The following ARPP21 variants were observed in gnomAD, a reference collection of about 807,000 sequenced individuals.
ARPP21 encodes cAMP-regulated phosphoprotein 21.
Under a neutral mutation model 113.2 loss-of-function variants are expected in ARPP21, and 69 were observed. The ratio of observed to expected loss-of-function variants is 0.61; its 90% CI spans 0.50 to 0.74. The LOEUF is 0.74. Among genes scored for constraint, ARPP21 ranks in the 30% least tolerant of loss-of-function variants. The probability of loss-of-function intolerance (pLI) is 0.00; values close to 1 mark genes in which losing one functional copy is unlikely to be tolerated. For synonymous variants in ARPP21, 368 were observed against 375.5 expected (o/e 0.98, Z 0.23); for missense variants, 1,070 against 1,037.4 (o/e 1.03, Z -0.43).
At chr3:35,648,605 T>A (rs1048283776) in intron 1 of ARPP21, among the ~76,000 whole-genome samples, 2 of 152,174 alleles carry the variant, frequency 1.3e-5, no homozygotes, top group Non-Finnish European at 2.9e-5. Flanking sequence ...AGTATCTGCA[T>A]TACTTTTGCT....
rs114464041 is a variant in ARPP21, at chr3:35,661,774, G to A, written c.-212-18013G>A. Among the ~76,000 whole-genome samples, 676 of 152,202 alleles carry A rather than the reference G, an allele frequency of 4.4e-3. 2 individuals carry two copies. Among genetic ancestry groups the A allele is most frequent in the African/African-American group, 0.015 (642 of 41,532 alleles). On this transcript the variant is annotated intron_variant, in intron 1 of 20. Transcript: ENST00000684406. ...GCCTTTGTATTTATTGTGTTACCTT[G>A]GGCAAGTTCCTTGACCTTACTGAAT...
Position 35,721,734 on chromosome 3 carries a change from GC to G in ARPP21, c.1128del (p.Ala377ProfsTer2). ...CCGACAGTTCCAACCGCAATCTAAA[GC>G]CCGCCATGACCAAGACGGCGAGTTT... is the stretch of plus-strand genomic sequence containing the variant. The part of the protein sequence containing the change: ...DSDSSNRNLK[P>X]AMTKTASFGG... On this transcript the variant is annotated frameshift_variant, in exon 14 of 21. Coordinates refer to ENST00000684406, the MANE Select transcript of ARPP21 (RefSeq NM_001385562.1). LOFTEE classifies it high-confidence loss of function. 6.2e-7 allele frequency: 1 copy of G among 1,613,874 alleles called. No homozygotes were observed. Among genetic ancestry groups the G allele is most frequent in the Non-Finnish European group, 8.5e-7 (1 of 1,179,904 alleles).
rs189188018 is a variant in ARPP21, at chr3:35,719,721, G to A, written c.996-1884G>A. 2.1e-3 allele frequency among the ~76,000 whole-genome samples: 326 copies of A among 152,272 alleles called. 2 individuals carry two copies. Among genetic ancestry groups the A allele is most frequent in the South Asian group, 0.015 (73 of 4,820 alleles). ...CCCATATGGAGAGCATCCATCTCATGCATCCTGTACTCTGAGGCTAAGCAC... is the reference window on the plus strand; with the variant it reads ...CCCATATGGAGAGCATCCATCTCATACATCCTGTACTCTGAGGCTAAGCAC... On this transcript the variant is annotated intron_variant, in intron 13 of 20. Coordinates refer to ENST00000684406, the MANE Select transcript of ARPP21 (RefSeq NM_001385562.1).
At chr3:35,641,869 T>A (rs1044766675) in intron 1 of ARPP21, among the ~76,000 whole-genome samples, 1 of 152,184 alleles carries the variant, frequency 6.6e-6, no homozygotes, top group Non-Finnish European at 1.5e-5. Flanking sequence ...TTACTACACT[T>A]GCTTATCAAT....
intron 1 of ARPP21, among the ~76,000 whole-genome samples, chr3:35,665,145 T>G (rs1400433520): frequency 6.6e-6 from 1 of 152,202 alleles, no homozygotes. Flanking sequence ...TAAGTGTGTC[T>G]TGGTTTATAT....
intron 19 of ARPP21, chr3:35,774,662 G>T (rs2096300859): frequency 6.6e-6 from 1 of 152,108 alleles, no homozygotes; most frequent in South Asian, 2.1e-4. Flanking sequence ...GGGTTTCTGG[G>T]CTTCCAGAAG....
intron 15 of ARPP21, among the ~76,000 whole-genome samples, chr3:35,735,950 T>A (rs1559790439): frequency 6.6e-6 from 1 of 152,216 alleles, no homozygotes; most frequent in Non-Finnish European, 1.5e-5. Context: ...GACTTCTCAT[T>A]CATTGATTAA....
chr3:35,690,752 T>C (rs1443277327), intron 8 of ARPP21, 113 bp from the exon 9 acceptor site: 6 of 960,450 alleles, frequency 6.2e-6, no homozygotes, highest in South Asian at 2.2e-5. Context: ...AGAAATGCAA[T>C]AGGCTTAGTG....
At chr3:35,665,408 A>C (rs1201126570) in intron 1 of ARPP21, among the ~76,000 whole-genome samples, 1 of 152,180 alleles carries the variant, frequency 6.6e-6, no homozygotes, top group Admixed American at 6.5e-5. Context: ...ATTTAAAGTA[A>C]GTGGAAAGTT....
At chr3:35,732,581 A>G (rs761768913) in intron 15 of ARPP21, among the ~76,000 whole-genome samples, 18 of 152,240 alleles carry the variant, frequency 1.2e-4, no homozygotes, top group Non-Finnish European at 2.1e-4. Flanking sequence ...AATTTTTAGC[A>G]GAAAGCTCAG....
At chr3:35,776,726 G>A (rs2096380724) in intron 19 of ARPP21, among the ~76,000 whole-genome samples, 1 of 152,048 alleles carries the variant, frequency 6.6e-6, no homozygotes. Context: ...CGAATACTTG[G>A]TGACACATAT....
chr3:35,676,027 T>A (rs549388265), intron 1 of ARPP21, among the ~76,000 whole-genome samples: 2 of 152,034 alleles, frequency 1.3e-5, no homozygotes, highest in South Asian at 2.1e-4. Context: ...GCTTATTTTT[T>A]AATTTGTATT....
At chr3:35,788,178 C>T (rs1404197544) in intron 19 of ARPP21, among the ~76,000 whole-genome samples, 1 of 152,144 alleles carries the variant, frequency 6.6e-6, no homozygotes, top group African/African-American at 2.4e-5. Context: ...AAAACTGCAG[C>T]TAAAGACAGG....
At position 35,794,464 on chromosome 3, in the gene ARPP21, G is replaced by A. The variant is rs2096799592; in HGVS notation, c.*506G>A. ...AAATAAAACTATTTGACCTTATGGA[G>A]GAAGGTCATGTTTTTACCACCAGTT... On this transcript the variant is annotated 3_prime_UTR_variant, in exon 21 of 21. Transcript: ENST00000684406. 3 of 153,368 alleles carry A rather than the reference G, an allele frequency of 2.0e-5. No homozygotes were observed. Among genetic ancestry groups the A allele is most frequent in the Admixed American group, 1.9e-4 (3 of 15,520 alleles). 9.5% of individuals were successfully genotyped at this position (153,368 alleles called of 1,614,324 possible). A position where few individuals can be genotyped will look rare whatever the true frequency, so the allele number is the denominator to read the frequency against.
At chr3:35,755,809 G>C (rs1286523403) in intron 19 of ARPP21, among the ~76,000 whole-genome samples, 1 of 152,026 alleles carries the variant, frequency 6.6e-6, no homozygotes, top group Non-Finnish European at 1.5e-5. Flanking sequence ...TGGTACCCAT[G>C]GGAAAACTGC....
At chr3:35,642,220 A>G (rs1698330051) in intron 1 of ARPP21, 1 of 152,140 alleles carries the variant, frequency 6.6e-6, no homozygotes, top group African/African-American at 2.4e-5. Context: ...CTTAGATCCC[A>G]GTTGAGTATG....
intron 14 of ARPP21, among the ~76,000 whole-genome samples, chr3:35,725,038 T>C (rs565694213): frequency 2.2e-3 from 332 of 152,298 alleles, no homozygotes; most frequent in African/African-American, 7.7e-3. Flanking sequence ...GATCTCTCTT[T>C]TTAGAGAGAG....
At chr3:35,736,212 G>A (rs896034459) in intron 15 of ARPP21, among the ~76,000 whole-genome samples, 3 of 152,068 alleles carry the variant, frequency 2.0e-5, no homozygotes, top group Non-Finnish European at 4.4e-5. Flanking sequence ...CAGGTTGTTA[G>A]GAGAGCTAAG....
At chr3:35,784,039 T>C (rs2096581014) in intron 19 of ARPP21, among the ~76,000 whole-genome samples, 1 of 152,188 alleles carries the variant, frequency 6.6e-6, no homozygotes, top group Non-Finnish European at 1.5e-5. Context: ...GTACTCTTTC[T>C]TCAGTGATTC....
Sources: allele counts gnomAD v4.1 joint callset (sites outside exome capture counted in the v4.1 genomes callset), GRCh38; gene constraint gnomAD v4.1.1; transcripts MANE v1.5; gene names NCBI Gene and HGNC (gene_info 2026-07-23, HGNC 2026-07-21).